The following GCNT2 variants were observed in gnomAD, a reference collection of about 807,000 sequenced individuals.
GCNT2 encodes the protein glucosaminyl (N-acetyl) transferase 2 (I blood group), also known as N-acetyllactosaminide beta-1,6-N-acetylglucosaminyl-transferase.
Under a neutral mutation model 34.2 loss-of-function variants are expected in GCNT2, and 34 were observed. The observed-to-expected ratio is 1.00, with a 90% CI of 0.76 to 1.32. GCNT2 has a LOEUF of 1.32. GCNT2 is among the 40% of genes most tolerant of loss of function. GCNT2 has a pLI of 0.00. For synonymous variants in GCNT2, 212 were observed against 188.0 expected, an observed-to-expected ratio of 1.13 and a Z score of -1.04; for missense variants, 584 against 489.4, an observed-to-expected ratio of 1.19 and a Z score of -1.82.
intron 3 of GCNT2, among the ~76,000 whole-genome samples, chr6:10,539,914 C>CA (rs982039478): frequency 1.2e-4 from 18 of 152,224 alleles, no homozygotes; most frequent in Admixed American, 9.8e-4. Context: ...TCCATCTCTA[C>CA]AAAAAATACA....
rs1489248785 is a variant in GCNT2, at chr6:10,523,932, C to G, written c.-469+2515C>G. ...AGCTTGCAGTGAGCCGAGATCGCGC[C>G]ACTGCACTCCAGCCTGGGTGACAGA... On this transcript the variant is annotated intron_variant, in intron 1 of 4. Coordinates refer to ENST00000495262, the MANE Select transcript of GCNT2 (RefSeq NM_145649.5). Among the ~76,000 whole-genome samples the G allele has an allele frequency of 9.9e-4, 139 of 139,852 alleles. 1 individual carries two copies. The highest frequency in any genetic ancestry group is 9.3e-4 in the Admixed American group (12 of 12,880). 91.7% of individuals were successfully genotyped at this position (139,852 alleles called of 152,430 possible).
At chr6:10,585,788 G>A (rs939765531) in intron 3 of GCNT2, 106 of 1,434,468 alleles carry the variant, frequency 7.4e-5, no homozygotes, top group Non-Finnish European at 8.8e-5. Flanking sequence ...GGGACGCACC[G>A]CATCTCCAGG....
intron 3 of GCNT2, among the ~76,000 whole-genome samples, chr6:10,572,192 C>T (rs1763582353): frequency 6.6e-6 from 1 of 152,106 alleles, no homozygotes; most frequent in African/African-American, 2.4e-5. Context: ...ATGAAGAATT[C>T]AGTGCCCAAA....
chr6:10,562,670 A>AAAC (rs1763053565), intron 3 of GCNT2, among the ~76,000 whole-genome samples: 1 of 149,634 alleles, frequency 6.7e-6, no homozygotes, highest in Non-Finnish European at 1.5e-5. Context: ...AAAAAAAAAA[A>AAAC]AAAAAAACAA....
At chr6:10,575,348 C>A (rs1763758630) in intron 3 of GCNT2, 2 of 160,750 alleles carry the variant, frequency 1.2e-5, no homozygotes, top group South Asian at 3.5e-4. Flanking sequence ...GGCCAAAAGG[C>A]TGGGTTGACA....
intron 3 of GCNT2, chr6:10,586,535 T>A: frequency 6.2e-7 from 1 of 1,614,162 alleles, no homozygotes; most frequent in Non-Finnish European, 8.5e-7. Flanking sequence ...CCTCTGAGGT[T>A]CCCTGGAAGT....
chr6:10,532,699 G>T (rs1443349264), intron 3 of GCNT2, among the ~76,000 whole-genome samples: 1 of 152,108 alleles, frequency 6.6e-6, no homozygotes, highest in Non-Finnish European at 1.5e-5. Flanking sequence ...GAACTCCTGG[G>T]CCCAAGCGAT....
intron 3 of GCNT2, among the ~76,000 whole-genome samples, chr6:10,540,264 C>A (rs1002590913): frequency 2.0e-5 from 3 of 152,170 alleles, no homozygotes; most frequent in Non-Finnish European, 4.4e-5. Context: ...CATTCTGTGA[C>A]TAAAGCCTCC....
chr6:10,616,759 T>A (rs1404527667), intron 3 of GCNT2, among the ~76,000 whole-genome samples: 1 of 152,112 alleles, frequency 6.6e-6, no homozygotes. Flanking sequence ...GAGTGCTGAT[T>A]GCTGTATTTA....
intron 3 of GCNT2, among the ~76,000 whole-genome samples, chr6:10,532,186 C>CA (rs1491304189): frequency 1.3e-5 from 2 of 152,042 alleles, no homozygotes; most frequent in Non-Finnish European, 2.9e-5. Flanking sequence ...TTCCCACTCT[C>CA]AGAGTCTGTG....
Position 10,527,700 on chromosome 6 carries a change from G to C in GCNT2, c.-282+40G>C, listed in dbSNP as rs1288513201. 4.6e-5 allele frequency: 7 copies of C among 150,856 alleles called. No homozygotes were observed. The East Asian group carries it at 1.4e-3, about 29-fold the overall frequency. 9.3% of individuals were successfully genotyped at this position (150,856 alleles called of 1,614,324 possible). On this transcript the variant is annotated intron_variant, in intron 2 of 4. Coordinates refer to ENST00000495262, the MANE Select transcript of GCNT2 (RefSeq NM_145649.5). ...TATTAGAAGTATGAGTGTGGGGTAAGAGATACGTGTGTATGCATGCGTGTG... is the reference window on the plus strand; with the variant it reads ...TATTAGAAGTATGAGTGTGGGGTAACAGATACGTGTGTATGCATGCGTGTG...
rs1763965792 is a variant in GCNT2 at position 10,579,383 on chromosome 6, A to G, written c.926-41968A>G. Among the ~76,000 whole-genome samples, 3 of 152,182 alleles carry G rather than the reference A, an allele frequency of 2.0e-5. No individual in the cohort carries two copies. The South Asian group carries it at 6.2e-4, about 31-fold the overall frequency. On this transcript the variant is annotated intron_variant, in intron 3 of 4. Coordinates refer to ENST00000495262, the MANE Select transcript of GCNT2 (RefSeq NM_145649.5). ...ATAACATGTCTATTAATCCATTTCT[A>G]TTTGTTTCACTAAATGTTTGTATTC...
At chr6:10,545,322 C>T (rs1762223244) in intron 3 of GCNT2, among the ~76,000 whole-genome samples, 1 of 152,056 alleles carries the variant, frequency 6.6e-6, no homozygotes, top group South Asian at 2.1e-4. Context: ...CATTGGTCTG[C>T]GCTATCGACA....
chr6:10,541,022 A>G (rs1339044939), intron 3 of GCNT2, among the ~76,000 whole-genome samples: 1 of 152,078 alleles, frequency 6.6e-6, no homozygotes, highest in Non-Finnish European at 1.5e-5. Flanking sequence ...TTTTCTTTCT[A>G]TTTTAAGTTC....
intron 3 of GCNT2, among the ~76,000 whole-genome samples, chr6:10,572,073 T>C (rs1763576798): frequency 6.7e-6 from 1 of 150,324 alleles, no homozygotes; most frequent in Admixed American, 6.6e-5. Flanking sequence ...TCTCTAGCTC[T>C]AGTACTGAAA....
At chr6:10,531,262 A>AT (rs1295147107) in intron 3 of GCNT2, among the ~76,000 whole-genome samples, 4 of 152,312 alleles carry the variant, frequency 2.6e-5, no homozygotes, top group African/African-American at 9.6e-5. Context: ...GTTCCAAATG[A>AT]TTTTTGAATA....
At chr6:10,542,412 CTT>C (rs200808347) in intron 3 of GCNT2, among the ~76,000 whole-genome samples, 1 of 139,764 alleles carries the variant, frequency 7.2e-6, no homozygotes, top group Non-Finnish European at 1.5e-5. Flanking sequence ...AACTCACCCA[CTT>C]TTGTGTACAA....
intron 3 of GCNT2, among the ~76,000 whole-genome samples, chr6:10,543,628 G>C (rs1294993198): frequency 6.6e-6 from 1 of 152,086 alleles, no homozygotes; most frequent in East Asian, 1.9e-4. Flanking sequence ...ATCTTTTTTA[G>C]TTTAGCCCTT....
chr6:10,606,675 T>TGGA (rs1765331154), intron 3 of GCNT2, among the ~76,000 whole-genome samples: 49 of 149,410 alleles, frequency 3.3e-4, no homozygotes, highest in African/African-American at 6.4e-4. Flanking sequence ...AGAAATTTAA[T>TGGA]AGTGGTTGAG....
Sources: allele counts gnomAD v4.1 joint callset (sites outside exome capture counted in the v4.1 genomes callset), GRCh38; gene constraint gnomAD v4.1.1; transcripts MANE v1.5; gene names NCBI Gene and HGNC (gene_info 2026-07-23, HGNC 2026-07-21).